Variants in GALNT14 observed in about 807,000 individuals in gnomAD.
GALNT14 encodes polypeptide N-acetylgalactosaminyltransferase 14, also known as UDP-GalNAc:polypeptide N-acetylgalactosaminyltransferase 14.
Under a neutral mutation model 77.5 loss-of-function variants are expected in GALNT14, and 60 were observed. The ratio of observed to expected loss-of-function variants is 0.77; its 90% confidence interval spans 0.63 to 0.96. GALNT14 has a LOEUF of 0.96. Among genes scored for constraint, GALNT14 ranks in the 40% least tolerant of loss-of-function variants. The pLI is 0.00. For synonymous variants in GALNT14, 280 were observed against 281.7 expected (o/e 0.99, Z 0.06); for missense variants, 710 against 731.0 (o/e 0.97, Z 0.33).
intron 1 of GALNT14, among the ~76,000 whole-genome samples, chr2:31,022,781 G>A (rs1050859308): frequency 1.3e-5 from 2 of 152,172 alleles, no homozygotes; most frequent in Admixed American, 6.5e-5. Flanking sequence ...TGTTAAACAC[G>A]ACATATGAGT....
the GALNT14 span, among the ~76,000 whole-genome samples, chr2:30,892,242 G>T: frequency 2.6e-5 from 4 of 152,160 alleles, no homozygotes; most frequent in African/African-American, 4.8e-5. Context: ...GAAAATGAGA[G>T]AATTCCATAA....
At position 31,138,256 on chromosome 2, in the gene GALNT14, G is replaced by A. The variant is rs2148658138; in HGVS notation, c.-170C>T. On this transcript the variant is annotated 5_prime_UTR_variant, in exon 1 of 15. Coordinates refer to ENST00000349752, the MANE Select transcript of GALNT14 (RefSeq NM_024572.4). Reference sequence around the variant, plus strand: ...TGCAAGGCGCCCTTCCCGCTTCGAAGAGAAGCGAGCCTGGGTGGGGGGTGC... The same window carrying A: ...TGCAAGGCGCCCTTCCCGCTTCGAAAAGAAGCGAGCCTGGGTGGGGGGTGC... 2 of 808,858 alleles carry A rather than the reference G, an allele frequency of 2.5e-6. No individual in the cohort carries two copies. Among genetic ancestry groups the A allele is most frequent in the Non-Finnish European group, 3.8e-6 (2 of 522,322 alleles). The allele number at this position is 808,858 out of a possible 1,614,324, so 50.1% of individuals were successfully genotyped here.
intron 1 of GALNT14, among the ~76,000 whole-genome samples, chr2:31,095,362 G>A (rs753031477): frequency 1.3e-5 from 2 of 152,128 alleles, no homozygotes; most frequent in African/African-American, 4.8e-5. Context: ...CTGACATAGC[G>A]TGGGTTCTGT....
intron 1 of GALNT14, among the ~76,000 whole-genome samples, chr2:31,115,565 CAAAT>C (rs1678064734): frequency 6.6e-6 from 1 of 152,036 alleles, no homozygotes. Context: ...ATGGAAGTGA[CAAAT>C]AAGAATACCT....
At chr2:31,056,052 C>T (rs1674189106) in intron 1 of GALNT14, among the ~76,000 whole-genome samples, 2 of 152,264 alleles carry the variant, frequency 1.3e-5, no homozygotes, top group Admixed American at 1.3e-4. Context: ...GAATCTACAG[C>T]AGTGGTTCTG....
At chr2:31,005,718 G>A (rs952446196) in intron 1 of GALNT14, among the ~76,000 whole-genome samples, 2 of 152,202 alleles carry the variant, frequency 1.3e-5, no homozygotes, top group Admixed American at 6.5e-5. Flanking sequence ...GTCCGTCTGT[G>A]AGAATTGGTC....
At chr2:31,004,072 C>T (rs2148426661) in intron 1 of GALNT14, among the ~76,000 whole-genome samples, 1 of 152,316 alleles carries the variant, frequency 6.6e-6, no homozygotes, top group African/African-American at 2.4e-5. Flanking sequence ...AGAACACATC[C>T]CAATTGCCGG....
rs1461467957 is a variant in GALNT14 at position 31,138,271 on chromosome 2, G to A, written c.-185C>T. The A allele has an allele frequency of 2.8e-6, 2 of 713,448 alleles. No individual in the cohort carries two copies. The highest frequency in any genetic ancestry group is 5.6e-5 in the East Asian group (2 of 35,854). The allele number at this position is 713,448 out of a possible 1,614,324, so 44.2% of individuals were successfully genotyped here. A position where few individuals can be genotyped will look rare whatever the true frequency, so the allele number is the denominator to read the frequency against. ...CCGCTTCGAAGAGAAGCGAGCCTGG[G>A]TGGGGGGTGCAGGGCGACCCGAAAC... On this transcript the variant is annotated 5_prime_UTR_variant, in exon 1 of 15. Transcript: ENST00000349752.
At chr2:31,085,272 A>T (rs1455028897) in intron 1 of GALNT14, among the ~76,000 whole-genome samples, 1 of 152,106 alleles carries the variant, frequency 6.6e-6, no homozygotes, top group Admixed American at 6.5e-5. Context: ...GCAGGCTTGG[A>T]TCTCCTTGGC....
intron 2 of GALNT14, among the ~76,000 whole-genome samples, chr2:30,968,303 C>T (rs75560685): frequency 0.022 from 3,374 of 152,294 alleles, 133 homozygotes; most frequent in African/African-American, 0.077. Context: ...AGCCAGCCGC[C>T]GATGGCTGCC....
intron 1 of GALNT14, among the ~76,000 whole-genome samples, chr2:31,126,245 G>T (rs1370656336): frequency 1.3e-5 from 2 of 152,156 alleles, no homozygotes; most frequent in Non-Finnish European, 2.9e-5. Flanking sequence ...AGTGAACCCA[G>T]GTTCTAAAGG....
the GALNT14 span, among the ~76,000 whole-genome samples, chr2:30,887,556 C>T: frequency 6.6e-6 from 1 of 152,076 alleles, no homozygotes; most frequent in Non-Finnish European, 1.5e-5. Flanking sequence ...AGTTTTATTT[C>T]AGGTAAGTTG....
chr2:30,918,591 G>A (rs1282540724), intron 13 of GALNT14, among the ~76,000 whole-genome samples: 1 of 152,144 alleles, frequency 6.6e-6, no homozygotes, highest in East Asian at 1.9e-4. Flanking sequence ...TCCCAAGACT[G>A]TGTTGACAAA....
At chr2:31,035,552 A>AGTGTGTGT (rs1558511968) in intron 1 of GALNT14, among the ~76,000 whole-genome samples, 4 of 103,290 alleles carry the variant, frequency 3.9e-5, no homozygotes, top group Admixed American at 1.1e-4. Context: ...GGATAAAGAA[A>AGTGTGTGT]ATGTGTGTGT....
intron 1 of GALNT14, among the ~76,000 whole-genome samples, chr2:31,109,840 A>T (rs1417161396): frequency 1.3e-5 from 2 of 152,200 alleles, no homozygotes; most frequent in East Asian, 1.9e-4. Context: ...GATGCTCCTC[A>T]CAAGGTCCAA....
At position 30,945,841 on chromosome 2, in the gene GALNT14, G is replaced by T; in HGVS notation, c.684C>A (p.Ile228=). The change falls in exon 7 of 15, where the codon ATC becomes ATA. Residue 228 remains isoleucine (I), a synonymous_variant. Transcript: ENST00000349752. The part of the protein sequence containing the change: ...EDYTRVVCPV[I]DIINLDTFTY... ...TGAAGGTGTCCAGGTTAATGATATC[G>T]ATCACAGGGCACACCACCCGCGTGT... The T allele has an allele frequency of 8.1e-6, 13 of 1,614,094 alleles. No homozygotes were observed. Among genetic ancestry groups the T allele is most frequent in the Non-Finnish European group, 1.1e-5 (13 of 1,180,000 alleles).
At chr2:31,107,742 G>C (rs918524978) in intron 1 of GALNT14, among the ~76,000 whole-genome samples, 3 of 152,168 alleles carry the variant, frequency 2.0e-5, no homozygotes, top group African/African-American at 7.2e-5. Flanking sequence ...TCAAAGAACA[G>C]TAGGGAAGGC....
rs1366488994 is a variant in GALNT14 at position 30,911,072 on chromosome 2, AG to A, written c.1501-14del. 1 of 1,612,602 alleles carries A rather than the reference AG, an allele frequency of 6.2e-7. No individual in the cohort carries two copies. Among genetic ancestry groups the A allele is most frequent in the East Asian group, 2.2e-5 (1 of 44,826 alleles). ...TTTTGGTCCATTGCTGGTAAGACAAAGAAGAGAGTGAATGAACTAGGTGCCA... is the reference window on the plus strand; with the variant it reads ...TTTTGGTCCATTGCTGGTAAGACAAAAAGAGAGTGAATGAACTAGGTGCCA... On this transcript the variant is annotated splice_polypyrimidine_tract_variant and intron_variant, in intron 14 of 14. Coordinates refer to ENST00000349752, the MANE Select transcript of GALNT14 (RefSeq NM_024572.4).
At chr2:31,065,962 C>T (rs868044593) in intron 1 of GALNT14, among the ~76,000 whole-genome samples, 2 of 152,154 alleles carry the variant, frequency 1.3e-5, no homozygotes, top group Non-Finnish European at 2.9e-5. Context: ...TACAGGCCTT[C>T]GAGTCAGGAT....
Sources: gnomAD v4.1 joint callset for allele counts (sites outside exome capture counted in the v4.1 genomes callset) on GRCh38, gnomAD v4.1.1 for gene constraint, MANE v1.5 for transcripts, NCBI Gene and HGNC (gene_info 2026-07-23, HGNC 2026-07-21) for gene names.